DENND1A: variants seen among roughly 807,000 people sequenced by gnomAD.
DENND1A encodes the protein DENN domain containing 1A.
Under a neutral mutation model 113.7 loss-of-function variants are expected in DENND1A, and 51 were observed. The observed-to-expected ratio is 0.45, with a 90% CI of 0.36 to 0.57. DENND1A has a LOEUF of 0.57. DENND1A is among the 20% of genes least tolerant of loss of function. The pLI, the probability that DENND1A is intolerant of heterozygous loss-of-function variation, is 0.00. For missense variants in DENND1A, 1,258 were observed against 1,395.9 expected (o/e 0.90, Z 1.57); for synonymous variants, 565 against 570.8 (o/e 0.99, Z 0.14).
At chr9:123,605,165 G>C (rs1223772675) in intron 11 of DENND1A, among the ~76,000 whole-genome samples, 1 of 152,134 alleles carries the variant, frequency 6.6e-6, no homozygotes, top group Non-Finnish European at 1.5e-5. Flanking sequence ...CGGATCCTCT[G>C]TCTGGAACTG....
At chr9:123,702,176 A>T in intron 5 of DENND1A, among the ~76,000 whole-genome samples, 1 of 152,318 alleles carries the variant, frequency 6.6e-6, no homozygotes, top group South Asian at 2.1e-4. Context: ...AACGCAATAG[A>T]GAAAATCAAT....
chr9:123,892,784 C>T (rs1156868271), intron 1 of DENND1A, among the ~76,000 whole-genome samples: 1 of 152,146 alleles, frequency 6.6e-6, no homozygotes. Context: ...GAGTTGAAGA[C>T]CAGCCTGGCC....
At chr9:123,590,828 T>C (rs1286695997) in intron 11 of DENND1A, among the ~76,000 whole-genome samples, 1 of 152,128 alleles carries the variant, frequency 6.6e-6, no homozygotes, top group Non-Finnish European at 1.5e-5. Context: ...GATAAACATA[T>C]TAGCACTCTC....
intron 13 of DENND1A, among the ~76,000 whole-genome samples, chr9:123,509,328 A>G (rs1588903930): frequency 6.6e-6 from 1 of 152,234 alleles, no homozygotes; most frequent in Non-Finnish European, 1.5e-5. Context: ...TGGACAGTAC[A>G]TGGAGTTGGA....
intron 13 of DENND1A, among the ~76,000 whole-genome samples, chr9:123,480,736 G>A (rs2050266798): frequency 6.6e-6 from 1 of 152,152 alleles, no homozygotes; most frequent in South Asian, 2.1e-4. Flanking sequence ...CAGATAGGGA[G>A]GGAACTGTCT....
rs1009795750 is a variant in DENND1A, at chr9:123,905,799, G to A, written c.17+24090C>T. Among the ~76,000 whole-genome samples the A allele has an allele frequency of 8.3e-4, 126 of 151,192 alleles. 2 individuals are homozygous for A. The highest frequency in any genetic ancestry group is 3.0e-3 in the African/African-American group (125 of 41,092). Reference sequence around the variant, plus strand: ...CACTGTCAACATTAGACAGATCAATGAGACAGAAAGTCAACAAGGATACCC... The same window carrying A: ...CACTGTCAACATTAGACAGATCAATAAGACAGAAAGTCAACAAGGATACCC... On this transcript the variant is annotated intron_variant, in intron 1 of 23. Coordinates refer to ENST00000394215, the MANE Select transcript of DENND1A (RefSeq NM_001352964.2).
At chr9:123,469,695 G>A (rs1256790060) in intron 13 of DENND1A, among the ~76,000 whole-genome samples, 1 of 152,256 alleles carries the variant, frequency 6.6e-6, no homozygotes, top group Middle Eastern at 3.2e-3. Context: ...GAAAGCAGGT[G>A]CAGTGATTAA....
chr9:123,714,458 C>T (rs1251995235), intron 5 of DENND1A, among the ~76,000 whole-genome samples: 7 of 151,886 alleles, frequency 4.6e-5, no homozygotes, highest in South Asian at 2.1e-4. Context: ...AAAAATTAGC[C>T]GGGTGTGGTG....
chr9:123,636,696 A>C (rs2061720440), intron 9 of DENND1A, among the ~76,000 whole-genome samples: 1 of 126,952 alleles, frequency 7.9e-6, no homozygotes, highest in South Asian at 2.4e-4. Context: ...AGATTACCAG[A>C]CTTTTTTTTT....
intron 1 of DENND1A, among the ~76,000 whole-genome samples, chr9:123,889,974 C>T (rs992508466): frequency 2.0e-5 from 3 of 150,726 alleles, no homozygotes; most frequent in Admixed American, 6.6e-5. Context: ...ACTCCATCTT[C>T]GGGAAAAAAA....
chr9:123,791,242 TC>T (rs1832951260), intron 3 of DENND1A, among the ~76,000 whole-genome samples: 1 of 152,124 alleles, frequency 6.6e-6, no homozygotes. Context: ...TCAAGTGTAT[TC>T]TAAATAATAC....
At chr9:123,463,181 G>T (rs967518926) in intron 13 of DENND1A, among the ~76,000 whole-genome samples, 2 of 152,188 alleles carry the variant, frequency 1.3e-5, no homozygotes, top group African/African-American at 4.8e-5. Flanking sequence ...TTCAAGCTTA[G>T]ATCACATTAG....
rs1383367906 is a variant in DENND1A at position 123,798,338 on chromosome 9, C to T, written c.89-5708G>A. On this transcript the variant is annotated intron_variant, in intron 2 of 23. Coordinates refer to ENST00000394215, the MANE Select transcript of DENND1A (RefSeq NM_001352964.2). ...AACATATTCTGCCATTCAGACATAT[C>T]CTGCTCCGATGTGACTATTTATGCA... The T allele has an allele frequency of 2.0e-5, 3 of 152,310 alleles. No homozygotes were observed. The East Asian group carries it at 5.8e-4, about 29-fold the overall frequency. The allele number at this position is 152,310 out of a possible 1,614,324, so 9.4% of individuals were successfully genotyped here.
intron 13 of DENND1A, among the ~76,000 whole-genome samples, chr9:123,544,142 A>C (rs578239469): frequency 2.6e-5 from 4 of 152,332 alleles, no homozygotes; most frequent in African/African-American, 7.2e-5. Flanking sequence ...ACTGAAAAAC[A>C]ACCAACAAGA....
intron 8 of DENND1A, among the ~76,000 whole-genome samples, chr9:123,656,072 TC>T (rs2062928348): frequency 6.6e-6 from 1 of 152,184 alleles, no homozygotes; most frequent in African/African-American, 2.4e-5. Context: ...GAAGCCTCAC[TC>T]CCCTTGACGG....
At chr9:123,403,514 C>A (rs763782285) in intron 20 of DENND1A, 24 bp from the exon 21 acceptor site, 6 of 1,607,386 alleles carry the variant, frequency 3.7e-6, no homozygotes, top group Non-Finnish European at 5.1e-6. Context: ...AGGGGGAGAG[C>A]CCCAAGAAGG....
intron 1 of DENND1A, among the ~76,000 whole-genome samples, chr9:123,923,703 C>T (rs1344519284): frequency 1.3e-5 from 2 of 152,098 alleles, no homozygotes; most frequent in African/African-American, 4.8e-5. Context: ...TTGGTAATCC[C>T]CCTCCATTCT....
At chr9:123,602,097 A>G (rs1310137070) in intron 11 of DENND1A, among the ~76,000 whole-genome samples, 1 of 152,202 alleles carries the variant, frequency 6.6e-6, no homozygotes, top group Non-Finnish European at 1.5e-5. Context: ...GTCTCTCAGT[A>G]TCTGAGGGGG....
intron 20 of DENND1A, among the ~76,000 whole-genome samples, chr9:123,409,278 T>A (rs1366152959): frequency 6.6e-6 from 1 of 152,016 alleles, no homozygotes; most frequent in African/African-American, 2.4e-5. Flanking sequence ...ATTCATTTTT[T>A]TCTTGACTGA....
Sources: allele counts gnomAD v4.1 joint callset (sites outside exome capture counted in the v4.1 genomes callset), GRCh38; gene constraint gnomAD v4.1.1; transcripts MANE v1.5; gene names NCBI Gene and HGNC (gene_info 2026-07-23, HGNC 2026-07-21).